The following HTR1E variants were observed in gnomAD, a reference collection of about 807,000 sequenced individuals.
HTR1E encodes 5-HT-1E.
HTR1E carries 3 observed loss-of-function variants against 3.4 expected under a neutral mutation model. The ratio of observed to expected loss-of-function variants is 0.89; its 90% confidence interval spans 0.41 to 2.31. HTR1E has a LOEUF of 2.31. Ranked by LOEUF, HTR1E falls within the 30% of genes most tolerant of loss-of-function variation. The probability of loss-of-function intolerance (pLI) is 0.05; values close to 1 mark genes in which losing one functional copy is unlikely to be tolerated. For synonymous variants in HTR1E, 170 were observed against 182.8 expected (o/e 0.93, Z 0.56); for missense variants, 392 against 467.0 (o/e 0.84, Z 1.48).
At chr6:86,957,594 A>G (rs1175729021) in intron 1 of HTR1E, among the ~76,000 whole-genome samples, 1 of 152,214 alleles carries the variant, frequency 6.6e-6, no homozygotes, top group Non-Finnish European at 1.5e-5. Context: ...CCAACATCTC[A>G]GTCACTTGGC....
At chr6:87,004,546 C>A (rs1371407992) in intron 1 of HTR1E, among the ~76,000 whole-genome samples, 1 of 152,066 alleles carries the variant, frequency 6.6e-6, no homozygotes, top group Non-Finnish European at 1.5e-5. Flanking sequence ...ATTCAACATC[C>A]CTTCATGATT....
chr6:87,007,167 T>G (rs1308364653), intron 1 of HTR1E, among the ~76,000 whole-genome samples: 2 of 152,268 alleles, frequency 1.3e-5, no homozygotes, highest in Non-Finnish European at 2.9e-5. Context: ...TCCTGTCATT[T>G]TCAACAACAT....
rs530593817 is a variant in HTR1E at position 86,940,700 on chromosome 6, A to G, written c.-186+2877A>G. ...GTTTGTTTTGATTGCCCACCCTGGAATTCTATTTCTGCACTACCCTTTAAA... is the reference window on the plus strand; with the variant it reads ...GTTTGTTTTGATTGCCCACCCTGGAGTTCTATTTCTGCACTACCCTTTAAA... On this transcript the variant is annotated intron_variant, in intron 1 of 1. Coordinates refer to ENST00000305344, the MANE Select transcript of HTR1E (RefSeq NM_000865.3). Among the ~76,000 whole-genome samples, 29 of 152,228 alleles carry G rather than the reference A, an allele frequency of 1.9e-4. 2 individuals carry two copies. Among genetic ancestry groups the G allele is most frequent in the Admixed American group, 1.9e-3 (29 of 15,298 alleles).
intron 1 of HTR1E, among the ~76,000 whole-genome samples, chr6:86,995,617 G>A (rs1371477651): frequency 1.7e-5 from 2 of 120,012 alleles, no homozygotes; most frequent in African/African-American, 6.6e-5. Flanking sequence ...AGTGAGCCAA[G>A]ATCACACCAC....
In HTR1E at chr6:87,015,747, G is replaced by A. The variant is rs1428655828; in HGVS notation, c.413G>A (p.Arg138Lys). Residue 138 changes from arginine (R) to lysine (K), a missense_variant, in exon 2 of 2, where the codon AGG becomes AAG. By Grantham distance (26) the Arg-to-Lys change is conservative (BLOSUM62 2). Transcript: ENST00000305344. ...TACGCCAGGAAGAGGACGGCCAAGA[G>A]GGCCGCGCTGATGATCCTTACCGTC... ...IEYARKRTAK[R>K]AALMILTVWT... 1 of 1,609,696 alleles carries A rather than the reference G, an allele frequency of 6.2e-7. No individual in the cohort carries two copies. Among genetic ancestry groups the A allele is most frequent in the South Asian group, 1.1e-5 (1 of 90,410 alleles).
chr6:86,964,694 T>G lies in HTR1E; in HGVS notation c.-186+26871T>G, dbSNP rs1251060974. On this transcript the variant is annotated intron_variant, in intron 1 of 1. Coordinates refer to ENST00000305344, the MANE Select transcript of HTR1E (RefSeq NM_000865.3). ...CAGTTTGAACAAAGTTTTTGAAAAT[T>G]TTTTAAATCATCTTAAAATAATGAT... Among the ~76,000 whole-genome samples the G allele has an allele frequency of 2.6e-5, 4 of 152,306 alleles. No individual in the cohort carries two copies. In the East Asian group the frequency reaches 7.7e-4, roughly 29 times the overall value.
rs189321524 is a variant in HTR1E at position 86,999,006 on chromosome 6, C to T, written c.-185-16144C>T. On this transcript the variant is annotated intron_variant, in intron 1 of 1. Transcript: ENST00000305344. ...ACAGAGTCTCGCCCTGTCACCCAGG[C>T]GGGAGTGCAGTAGCGTGATCTCAGC... 4.3e-3 allele frequency among the ~76,000 whole-genome samples: 656 copies of T among 152,264 alleles called. 7 individuals carry two copies. The highest frequency in any genetic ancestry group is 0.041 in the Middle Eastern group (12 of 294).
At chr6:87,012,765 G>A (rs920715552) in intron 1 of HTR1E, among the ~76,000 whole-genome samples, 3 of 152,126 alleles carry the variant, frequency 2.0e-5, no homozygotes, top group African/African-American at 7.2e-5. Flanking sequence ...TAACACATTT[G>A]ATCTTCACAC....
chr6:86,949,787 AC>A (rs1767200869), intron 1 of HTR1E, among the ~76,000 whole-genome samples: 1 of 152,178 alleles, frequency 6.6e-6, no homozygotes, highest in East Asian at 1.9e-4. Context: ...TTAACAAGTA[AC>A]TATACCTTTC....
intron 1 of HTR1E, among the ~76,000 whole-genome samples, chr6:86,976,918 A>G (rs1318370833): frequency 1.3e-5 from 2 of 152,254 alleles, no homozygotes; most frequent in Non-Finnish European, 2.9e-5. Context: ...TTGAAACACA[A>G]TAAAACTTAA....
chr6:86,963,405 A>G (rs1234011859), intron 1 of HTR1E, among the ~76,000 whole-genome samples: 1 of 152,198 alleles, frequency 6.6e-6, no homozygotes, highest in Non-Finnish European at 1.5e-5. Flanking sequence ...TAAAGTAAAA[A>G]TGTTACAATG....
chr6:87,007,841 G>A (rs1768139579), intron 1 of HTR1E, among the ~76,000 whole-genome samples: 1 of 152,114 alleles, frequency 6.6e-6, no homozygotes, highest in African/African-American at 2.4e-5. Flanking sequence ...GGCTGAGGCA[G>A]AAGGATCGCT....
At chr6:86,957,248 C>T in intron 1 of HTR1E, among the ~76,000 whole-genome samples, 1 of 152,172 alleles carries the variant, frequency 6.6e-6, no homozygotes, top group East Asian at 1.9e-4. Flanking sequence ...AATAAGCAGT[C>T]AACATTGTTC....
Position 86,981,500 on chromosome 6 carries a change from T to C in HTR1E, c.-185-33650T>C, listed in dbSNP as rs867969611. ...TGTGAGAAAGGAAGAAGATAATTCA[T>C]GCCCTAGAATAGATCTGTACATTGT... is the stretch of plus-strand genomic sequence containing the variant. On this transcript the variant is annotated intron_variant, in intron 1 of 1. Coordinates refer to ENST00000305344, the MANE Select transcript of HTR1E (RefSeq NM_000865.3). Among the ~76,000 whole-genome samples, 17 of 152,294 alleles carry C rather than the reference T, an allele frequency of 1.1e-4. No individual in the cohort carries two copies. The Middle Eastern group carries it at 0.014, about 122-fold the overall frequency.
intron 1 of HTR1E, among the ~76,000 whole-genome samples, chr6:86,938,299 C>G (rs1197987459): frequency 6.6e-6 from 1 of 152,140 alleles, no homozygotes; most frequent in African/African-American, 2.4e-5. Flanking sequence ...CTCCAGCCCT[C>G]AGAAAATAAT....
intron 1 of HTR1E, among the ~76,000 whole-genome samples, chr6:87,009,896 C>G (rs1466030514): frequency 2.5e-5 from 3 of 120,598 alleles, no homozygotes; most frequent in African/African-American, 1.1e-4. Flanking sequence ...GACCTCCCCA[C>G]CTCCCTCCCG....
At chr6:87,005,412 T>C (rs1019382866) in intron 1 of HTR1E, among the ~76,000 whole-genome samples, 7 of 151,980 alleles carry the variant, frequency 4.6e-5, no homozygotes, top group African/African-American at 9.7e-5. Flanking sequence ...TGAAACAAAA[T>C]AGAAAACCCA....
intron 1 of HTR1E, among the ~76,000 whole-genome samples, chr6:87,003,725 C>CAAA: frequency 6.6e-6 from 1 of 151,332 alleles, no homozygotes; most frequent in East Asian, 1.9e-4. Flanking sequence ...AAAGCAAAAG[C>CAAA]AAACCAAACT....
chr6:86,969,517 C>T (rs1767518671), intron 1 of HTR1E, among the ~76,000 whole-genome samples: 1 of 152,166 alleles, frequency 6.6e-6, no homozygotes, highest in Admixed American at 6.5e-5. Context: ...TATTTTCCGC[C>T]ATGTACTTCC....
Sources: gnomAD v4.1 joint callset for allele counts (sites outside exome capture counted in the v4.1 genomes callset) on GRCh38, gnomAD v4.1.1 for gene constraint, MANE v1.5 for transcripts, NCBI Gene and HGNC (gene_info 2026-07-23, HGNC 2026-07-21) for gene names.